The following GALNTL6 variants were observed in gnomAD, a reference collection of about 807,000 sequenced individuals.
GALNTL6 encodes the protein polypeptide N-acetylgalactosaminyltransferase-like 6.
A neutral mutation model predicts 73.7 loss-of-function variants in GALNTL6; 46 were observed. That is an observed-to-expected ratio of 0.62 (90% CI 0.49 to 0.80). GALNTL6 has a LOEUF of 0.80. Ranked by LOEUF, GALNTL6 falls within the 30% of genes least tolerant of loss-of-function variation. GALNTL6 has a pLI of 0.00. For missense variants in GALNTL6, 604 were observed against 755.0 expected (o/e 0.80, Z 2.34); for synonymous variants, 259 against 263.7 (o/e 0.98, Z 0.17).
At chr4:172,346,989 T>TC (rs1741767448) in intron 4 of GALNTL6, among the ~76,000 whole-genome samples, 2 of 29,328 alleles carry the variant, frequency 6.8e-5, no homozygotes, top group South Asian at 1.1e-3. Flanking sequence ...GTTTTCTTTC[T>TC]TTTTTTTTTT....
At chr4:172,959,554 C>T (rs1040555919) in intron 10 of GALNTL6, among the ~76,000 whole-genome samples, 3 of 151,966 alleles carry the variant, frequency 2.0e-5, no homozygotes, top group Non-Finnish European at 2.9e-5. Flanking sequence ...TAGACTTACC[C>T]TCCACTGTGA....
chr4:172,650,004 G>A (rs1740403847), intron 5 of GALNTL6, among the ~76,000 whole-genome samples: 1 of 152,154 alleles, frequency 6.6e-6, no homozygotes, highest in African/African-American at 2.4e-5. Flanking sequence ...AAGCATCCTA[G>A]GTACAGAGGT....
chr4:172,855,686 G>A (rs1023092281), intron 7 of GALNTL6, among the ~76,000 whole-genome samples: 2 of 152,044 alleles, frequency 1.3e-5, no homozygotes, highest in Non-Finnish European at 2.9e-5. Context: ...TAAAAGACTG[G>A]ATTCTATCAC....
intron 2 of GALNTL6, among the ~76,000 whole-genome samples, chr4:171,871,245 C>A (rs1446324792): frequency 6.8e-6 from 1 of 147,712 alleles, no homozygotes; most frequent in Non-Finnish European, 1.5e-5. Flanking sequence ...ACATACCTGC[C>A]TAGAATAAAG....
chr4:172,978,065 CTCCTG>C (rs1750906993), intron 10 of GALNTL6, among the ~76,000 whole-genome samples: 2 of 152,184 alleles, frequency 1.3e-5, no homozygotes, highest in African/African-American at 4.8e-5. Flanking sequence ...GGTCTCAAAA[CTCCTG>C]ACCTCAGGTG....
chr4:172,898,771 A>ATTATC (rs1420775150), intron 8 of GALNTL6, among the ~76,000 whole-genome samples: 1 of 152,240 alleles, frequency 6.6e-6, no homozygotes, highest in Non-Finnish European at 1.5e-5. Context: ...CATCCCTCAT[A>ATTATC]TTATCTTATG....
intron 2 of GALNTL6, among the ~76,000 whole-genome samples, chr4:171,839,276 T>A (rs1252933558): frequency 1.3e-5 from 2 of 152,118 alleles, no homozygotes; most frequent in African/African-American, 4.8e-5. Flanking sequence ...TTCAGTGAAT[T>A]TTTAAATTTG....
intron 2 of GALNTL6, among the ~76,000 whole-genome samples, chr4:172,146,841 G>A (rs1210852641): frequency 6.6e-6 from 1 of 152,180 alleles, no homozygotes; most frequent in Non-Finnish European, 1.5e-5. Context: ...GTTGTGTGAA[G>A]TAAAAGGGGA....
At chr4:173,038,009 C>A (rs1404869471) in intron 12 of GALNTL6, among the ~76,000 whole-genome samples, 5 of 152,194 alleles carry the variant, frequency 3.3e-5, no homozygotes, top group Non-Finnish European at 7.3e-5. Context: ...TCCCAAAGTG[C>A]TGGAATCACA....
chr4:172,462,610 A>G lies in GALNTL6; in HGVS notation c.553+113921A>G, dbSNP rs142656596. 2.2e-3 allele frequency among the ~76,000 whole-genome samples: 335 copies of G among 152,292 alleles called. 1 individual carries two copies. Among genetic ancestry groups the G allele is most frequent in the Admixed American group, 3.5e-3 (54 of 15,292 alleles). On this transcript the variant is annotated intron_variant, in intron 5 of 12. Coordinates refer to ENST00000506823, the MANE Select transcript of GALNTL6 (RefSeq NM_001034845.3). The stretch of plus-strand genomic sequence containing the variant: ...TACAGCTCCATCAGTATAACTGCTT[A>G]TTTAAAACAACATAATATTTAATAT...
At chr4:172,819,293 A>T (rs140930193) in intron 7 of GALNTL6, among the ~76,000 whole-genome samples, 2 of 152,378 alleles carry the variant, frequency 1.3e-5, no homozygotes, top group Non-Finnish European at 2.9e-5. Flanking sequence ...TCTTTCTTGT[A>T]TAAGAATGTG....
At chr4:172,679,853 CACATA>C (rs1278853064) in intron 5 of GALNTL6, among the ~76,000 whole-genome samples, 1 of 152,174 alleles carries the variant, frequency 6.6e-6, no homozygotes, top group Non-Finnish European at 1.5e-5. Context: ...CTCTTGAAAA[CACATA>C]TTGTCTCCGT....
intron 4 of GALNTL6, among the ~76,000 whole-genome samples, chr4:172,335,732 T>C (rs1382552057): frequency 1.3e-5 from 2 of 152,230 alleles, no homozygotes; most frequent in African/African-American, 2.4e-5. Flanking sequence ...TTTGTGTGTA[T>C]AGATGTGGTC....
At chr4:172,140,567 A>T (rs982495283) in intron 2 of GALNTL6, among the ~76,000 whole-genome samples, 1 of 152,084 alleles carries the variant, frequency 6.6e-6, no homozygotes, top group Admixed American at 6.6e-5. Context: ...CATTGAACTG[A>T]AGAGATGAAA....
At chr4:172,896,025 C>T (rs1746311754) in intron 8 of GALNTL6, among the ~76,000 whole-genome samples, 1 of 152,262 alleles carries the variant, frequency 6.6e-6, no homozygotes, top group East Asian at 1.9e-4. Context: ...GATTAACTAT[C>T]TGTATTTCCT....
At chr4:172,086,438 A>G (rs935833283) in intron 2 of GALNTL6, among the ~76,000 whole-genome samples, 1 of 152,134 alleles carries the variant, frequency 6.6e-6, no homozygotes, top group African/African-American at 2.4e-5. Context: ...TTGTATATAT[A>G]TAATTATTTT....
At chr4:172,438,026 T>C (rs981689163) in intron 5 of GALNTL6, among the ~76,000 whole-genome samples, 14 of 152,124 alleles carry the variant, frequency 9.2e-5, no homozygotes, top group African/African-American at 1.7e-4. Flanking sequence ...TATTTGCAAG[T>C]TGTGTTATCA....
chr4:172,515,164 T>G (rs947031614), intron 5 of GALNTL6, among the ~76,000 whole-genome samples: 11 of 152,258 alleles, frequency 7.2e-5, no homozygotes, highest in Non-Finnish European at 1.6e-4. Flanking sequence ...TGCACCCAAC[T>G]TAGTTCACAA....
intron 2 of GALNTL6, among the ~76,000 whole-genome samples, chr4:171,978,254 C>T (rs1739780520): frequency 7.7e-6 from 1 of 129,916 alleles, no homozygotes; most frequent in South Asian, 2.2e-4. Context: ...GTTATATATA[C>T]TAACTATTAA....
Sources: allele counts gnomAD v4.1 joint callset (sites outside exome capture counted in the v4.1 genomes callset), GRCh38; gene constraint gnomAD v4.1.1; transcripts MANE v1.5; gene names NCBI Gene and HGNC (gene_info 2026-07-23, HGNC 2026-07-21).